The following DAZAP1 variants were observed in gnomAD, a reference collection of about 807,000 sequenced individuals.
DAZAP1 encodes the protein DAZ associated protein 1.
A neutral mutation model predicts 60.1 loss-of-function variants in DAZAP1; 6 were observed. The observed-to-expected ratio is 0.10, with a 90% CI of 0.05 to 0.20. The LOEUF (loss-of-function observed/expected upper bound fraction) is 0.20, where lower values mean the gene tolerates loss of function less well. Among genes scored for constraint, DAZAP1 ranks in the 10% least tolerant of loss-of-function variants. The probability of loss-of-function intolerance (pLI) is 1.00; values close to 1 mark genes in which losing one functional copy is unlikely to be tolerated. For missense variants in DAZAP1, 366 were observed against 560.4 expected (o/e 0.65, Z 3.50); for synonymous variants, 235 against 215.9 (o/e 1.09, Z -0.78).
intron 6 of DAZAP1, among the ~76,000 whole-genome samples, chr19:1,424,081 C>G (rs924149274): frequency 6.6e-6 from 1 of 152,094 alleles, no homozygotes; most frequent in Non-Finnish European, 1.5e-5. Flanking sequence ...TCCCCCTCCC[C>G]GCCACCTCCT....
rs563153686 is a variant in DAZAP1, at chr19:1,422,757, G to T, written c.463+361G>T. ...AGTGTGGCCGGTCTCATTTCGTGTC[G>T]TCAGCTGGGTCAGCTGGCTCGGTGT... On this transcript the variant is annotated intron_variant, in intron 6 of 11. Transcript: ENST00000233078. This position sits in a 1 kb window ranked among gnomAD's most constrained non-coding sequence, Gnocchi z 4.5. 2.6e-5 allele frequency among the ~76,000 whole-genome samples: 4 copies of T among 151,880 alleles called. No homozygotes were observed. The highest frequency in any genetic ancestry group is 1.3e-4 in the Admixed American group (2 of 15,252).
intron 10 of DAZAP1, 152 bp downstream of exon 10, chr19:1,430,514 C>T: frequency 2.9e-6 from 2 of 679,168 alleles, no homozygotes; most frequent in Non-Finnish European, 4.7e-6. Flanking sequence ...CCAGGCCCTT[C>T]ACCTGCAGAT....
At chr19:1,427,669 C>CG (rs1354701424) in intron 7 of DAZAP1, 1 of 152,202 alleles carries the variant, frequency 6.6e-6, no homozygotes, top group Non-Finnish European at 1.5e-5. Flanking sequence ...TGTGAAGACT[C>CG]GCTCATTTGA....
rs778542120 is a variant in DAZAP1, at chr19:1,430,286, C to T, written c.795C>T (p.Tyr265=). The T allele has an allele frequency of 4.1e-6, 4 of 963,940 alleles. No homozygotes were observed. Among genetic ancestry groups the T allele is most frequent in the Admixed American group, 2.1e-5 (1 of 47,116 alleles). 59.7% of individuals were successfully genotyped at this position (963,940 alleles called of 1,614,324 possible). A position where few individuals can be genotyped will look rare whatever the true frequency, so the allele number is the denominator to read the frequency against. ...CGCCACCCCCACCGTTCACCTCCTA[C>T]ATCGTGTCCACCCCTCCTGGAGGCT... ...APPPPPPFTS[Y]IVSTPPGGFP... Residue 265 remains tyrosine, a synonymous_variant, in exon 10 of 12, where the codon TAC becomes TAT. Transcript: ENST00000233078.
chr19:1,432,966 G>T lies in DAZAP1; in HGVS notation c.1048+276G>T. On this transcript the variant is annotated intron_variant, in intron 11 of 11. Transcript: ENST00000233078. This position sits in a 1 kb window ranked among gnomAD's most constrained non-coding sequence, Gnocchi z 4.9. Reference sequence around the variant, plus strand: ...TGGGAACCTGAGTGGCGACTGGGTCGAGGGAAGTGAGTCGCAGGCAGCTGT... The same window carrying T: ...TGGGAACCTGAGTGGCGACTGGGTCTAGGGAAGTGAGTCGCAGGCAGCTGT... 2.2e-6 allele frequency: 1 copy of T among 449,488 alleles called. No individual in the cohort carries two copies. The highest frequency in any genetic ancestry group is 4.1e-5 in the East Asian group (1 of 24,582). The allele number at this position is 449,488 out of a possible 1,614,324, so 27.8% of individuals were successfully genotyped here. A position where few individuals can be genotyped will look rare whatever the true frequency, so the allele number is the denominator to read the frequency against.
At chr19:1,415,102 C>A (rs533840132) in intron 1 of DAZAP1, among the ~76,000 whole-genome samples, 4 of 152,144 alleles carry the variant, frequency 2.6e-5, no homozygotes, top group Non-Finnish European at 5.9e-5. Flanking sequence ...CTAACCCCCC[C>A]GGCCCTGTTT....
In DAZAP1 at chr19:1,420,554, G is replaced by C. The variant is rs533829149; in HGVS notation, c.304-594G>C. ...GCAGCCCCAGCCCTAAGGGCAGCCC[G>C]GGAGCTGGACCAGAGACTCCTGGCT... is the stretch of plus-strand genomic sequence containing the variant. On this transcript the variant is annotated intron_variant, in intron 4 of 11. Coordinates refer to ENST00000233078, the MANE Select transcript of DAZAP1 (RefSeq NM_018959.4). Among the ~76,000 whole-genome samples, 3 of 152,080 alleles carry C rather than the reference G, an allele frequency of 2.0e-5. No homozygotes were observed. The East Asian group carries it at 5.8e-4, about 29-fold the overall frequency.
intron 8 of DAZAP1, among the ~76,000 whole-genome samples, chr19:1,429,703 G>T (rs1170392766): frequency 6.6e-6 from 1 of 152,312 alleles, no homozygotes; most frequent in East Asian, 1.9e-4. Flanking sequence ...GAGCCGGGAG[G>T]TCACCCGTGC....
At chr19:1,413,239 GGC>G (rs2082879314) in intron 1 of DAZAP1, among the ~76,000 whole-genome samples, 1 of 152,200 alleles carries the variant, frequency 6.6e-6, no homozygotes, top group Non-Finnish European at 1.5e-5. Flanking sequence ...TCCTCCTTTT[GGC>G]CTCTGCCCGC....
chr19:1,417,725 C>T (rs549262008), intron 2 of DAZAP1, among the ~76,000 whole-genome samples, 185 bp downstream of exon 2: 34 of 152,268 alleles, frequency 2.2e-4, no homozygotes, highest in Non-Finnish European at 4.4e-4. Context: ...TTTGGTATTT[C>T]CATCCCAAGT....
Position 1,425,450 on chromosome 19 carries a change from C to A in DAZAP1, c.464-428C>A, listed in dbSNP as rs2083283398. 6.6e-6 allele frequency among the ~76,000 whole-genome samples: 1 copy of A among 152,244 alleles called. No homozygotes were observed. The highest frequency in any genetic ancestry group is 1.9e-4 in the East Asian group (1 of 5,192). On this transcript the variant is annotated intron_variant, in intron 6 of 11. Coordinates refer to ENST00000233078, the MANE Select transcript of DAZAP1 (RefSeq NM_018959.4). The surrounding 1 kb of genome is among the most constrained non-coding windows in gnomAD (Gnocchi z 5.4). ...CCTGCAGGGTTCACTGGCAATCTCC[C>A]CACAGGCGAGAGCCAGAATATTCAA...
At position 1,432,831 on chromosome 19, in the gene DAZAP1, G is replaced by A; in HGVS notation, c.1048+141G>A. The A allele has an allele frequency of 9.8e-7, 1 of 1,021,632 alleles. No individual in the cohort carries two copies. Among genetic ancestry groups the A allele is most frequent in the East Asian group, 2.6e-5 (1 of 38,560 alleles). 63.3% of individuals were successfully genotyped at this position (1,021,632 alleles called of 1,614,324 possible). A position where few individuals can be genotyped will look rare whatever the true frequency, so the allele number is the denominator to read the frequency against. The stretch of plus-strand genomic sequence containing the variant: ...GGGAGAGGGAGGAGAGGGGGGTGTG[G>A]GGGTTGTTGGAGAGATCTCGTGGCA... On this transcript the variant is annotated intron_variant, in intron 11 of 11. Transcript: ENST00000233078. This position sits in a 1 kb window ranked among gnomAD's most constrained non-coding sequence, Gnocchi z 4.9.
At position 1,429,948 on chromosome 19, in the gene DAZAP1, C is replaced by T. The variant is rs151265616; in HGVS notation, c.701-19C>T. On this transcript the variant is annotated intron_variant, in intron 8 of 11. Coordinates refer to ENST00000233078, the MANE Select transcript of DAZAP1 (RefSeq NM_018959.4). ...CTGGTGGACACGGCGCCAACCTCCT[C>T]TTCTGTTCTCTTATCTAGGAATGTG... The T allele has an allele frequency of 1.1e-4, 165 of 1,561,852 alleles. 3 individuals are homozygous for T. The African/African-American group carries it at 1.8e-3, about 17-fold the overall frequency.
In DAZAP1 at chr19:1,407,644, G is replaced by GCCGCCGCCC. The variant is rs2082702749; in HGVS notation, c.-122_-121insCCCGCCGCC. On this transcript the variant is annotated 5_prime_UTR_variant, in exon 1 of 12. Coordinates refer to ENST00000233078, the MANE Select transcript of DAZAP1 (RefSeq NM_018959.4). ...AGCCGCCGCCGCCGCCGCCGCCGCC[G>GCCGCCGCCC]CCGCCGCCGCCGCCGCCGTTGCGCA... 1.1e-6 allele frequency: 1 copy of GCCGCCGCCC among 917,438 alleles called. No individual in the cohort carries two copies. The highest frequency in any genetic ancestry group is 1.3e-6 in the Non-Finnish European group (1 of 766,836). The allele number at this position is 917,438 out of a possible 1,614,324, so 56.8% of individuals were successfully genotyped here.
intron 10 of DAZAP1, 99 bp downstream of exon 10, chr19:1,430,461 C>G: frequency 1.3e-5 from 15 of 1,165,610 alleles, no homozygotes; most frequent in Non-Finnish European, 1.7e-5. Context: ...CGTCTGGCCT[C>G]AGCCACAGGT....
intron 1 of DAZAP1, 40 bp downstream of exon 1, chr19:1,407,842 C>T: frequency 9.4e-7 from 1 of 1,059,510 alleles, no homozygotes; most frequent in Non-Finnish European, 1.1e-6. Flanking sequence ...CCGCCCCGAG[C>T]CCGGCCCGCC....
chr19:1,434,836 GC>G lies in DAZAP1; in HGVS notation c.1155del (p.Ala386ProfsTer43), dbSNP rs34263898. 29 of 1,553,028 alleles carry G rather than the reference GC, an allele frequency of 1.9e-5. No individual in the cohort carries two copies. Among genetic ancestry groups the G allele is most frequent in the Admixed American group, 9.5e-5 (5 of 52,530 alleles). On this transcript the variant is annotated frameshift_variant, in exon 12 of 12. Transcript: ENST00000233078. LOFTEE classifies it high-confidence loss of function. This position sits in a 1 kb window ranked among gnomAD's most constrained non-coding sequence, Gnocchi z 8.0. Reference sequence around the variant, plus strand: ...GGTCCCTCCGTGCCAGGGTCGGGGGGCCCCCCCGCCGGCGGCAGCGGCTTTG... The same window carrying G: ...GGTCCCTCCGTGCCAGGGTCGGGGGGCCCCCCGCCGGCGGCAGCGGCTTTG... The part of the protein sequence containing the change: ...YGGPSVPGSG[G>X]PPAGGSGFGR...
intron 5 of DAZAP1, 107 bp downstream of exon 5, chr19:1,421,365 C>G (rs2083150984): frequency 1.1e-6 from 1 of 934,560 alleles, no homozygotes; most frequent in Non-Finnish European, 1.7e-6. Flanking sequence ...ACGGGCCTTT[C>G]AGGCTGGGAG....
At chr19:1,431,629 A>C (rs532960514) in intron 10 of DAZAP1, among the ~76,000 whole-genome samples, 2 of 152,030 alleles carry the variant, frequency 1.3e-5, no homozygotes, top group Non-Finnish European at 2.9e-5. Context: ...AGGTTTCACT[A>C]TGTTGGTCAG....
Sources: allele counts gnomAD v4.1 joint callset (sites outside exome capture counted in the v4.1 genomes callset), GRCh38; gene constraint gnomAD v4.1.1; non-coding constraint Gnocchi (gnomAD v3.1); transcripts MANE v1.5; gene names NCBI Gene and HGNC (gene_info 2026-07-23, HGNC 2026-07-21).